The following ADAMTS17 variants were observed in gnomAD, a reference collection of about 807,000 sequenced individuals.
The protein encoded by ADAMTS17 is ADAM metallopeptidase with thrombospondin type 1 motif 17.
A neutral mutation model predicts 141.5 loss-of-function variants in ADAMTS17; 113 were observed. The observed-to-expected ratio is 0.80, with a 90% CI of 0.69 to 0.93. The LOEUF (loss-of-function observed/expected upper bound fraction) is 0.93. Among genes scored for constraint, ADAMTS17 ranks in the 40% least tolerant of loss-of-function variants. The probability of loss-of-function intolerance (pLI) is 0.00; values close to 1 mark genes in which losing one functional copy is unlikely to be tolerated. For synonymous variants in ADAMTS17, 768 were observed against 630.6 expected, an observed-to-expected ratio of 1.22 and a Z score of -3.27; for missense variants, 1,659 against 1,517.9, an observed-to-expected ratio of 1.09 and a Z score of -1.54.
intron 7 of ADAMTS17, among the ~76,000 whole-genome samples, chr15:100,219,055 C>A (rs2042054638): frequency 6.6e-6 from 1 of 152,074 alleles, no homozygotes; most frequent in African/African-American, 2.4e-5. Flanking sequence ...CGTAGATGAC[C>A]CCTGAAAACA....
At chr15:100,188,935 T>C (rs141278060) in intron 8 of ADAMTS17, among the ~76,000 whole-genome samples, 1,727 of 152,352 alleles carry the variant, frequency 0.011, 19 homozygotes, top group Middle Eastern at 0.041. Flanking sequence ...TCTTTTGCTT[T>C]AACCCACCAA....
intron 10 of ADAMTS17, among the ~76,000 whole-genome samples, chr15:100,138,467 G>A (rs1313632294): frequency 1.3e-5 from 2 of 152,118 alleles, no homozygotes; most frequent in Non-Finnish European, 2.9e-5. Flanking sequence ...ATAAGAAACT[G>A]GAAATAACAT....
At chr15:100,253,677 A>G (rs2043233522) in intron 7 of ADAMTS17, among the ~76,000 whole-genome samples, 1 of 152,104 alleles carries the variant, frequency 6.6e-6, no homozygotes, top group African/African-American at 2.4e-5. Flanking sequence ...GGCAGGTGGA[A>G]GAGATTGCAT....
At chr15:100,132,315 C>A (rs1164606552) in intron 11 of ADAMTS17, among the ~76,000 whole-genome samples, 163 bp from the exon 12 acceptor site, 1 of 152,248 alleles carries the variant, frequency 6.6e-6, no homozygotes, top group Non-Finnish European at 1.5e-5. Flanking sequence ...TAGAGACATG[C>A]CTTACTTACT....
chr15:100,239,829 T>G (rs1302210083), intron 7 of ADAMTS17, among the ~76,000 whole-genome samples: 2 of 152,144 alleles, frequency 1.3e-5, no homozygotes, highest in African/African-American at 4.8e-5. Flanking sequence ...ATCAGGGCCT[T>G]ACAACCCCTG....
chr15:100,195,935 A>G (rs1482952208), intron 8 of ADAMTS17, among the ~76,000 whole-genome samples: 1 of 152,256 alleles, frequency 6.6e-6, no homozygotes, highest in Non-Finnish European at 1.5e-5. Context: ...TTAAAAAAGC[A>G]ATACTAGTTT....
intron 10 of ADAMTS17, among the ~76,000 whole-genome samples, chr15:100,133,688 G>A (rs2038177275): frequency 6.6e-6 from 1 of 152,112 alleles, no homozygotes; most frequent in Non-Finnish European, 1.5e-5. Flanking sequence ...GCTGTCTAGG[G>A]GACACAGAAA....
At chr15:100,243,571 C>T (rs571883872) in intron 7 of ADAMTS17, among the ~76,000 whole-genome samples, 2 of 152,244 alleles carry the variant, frequency 1.3e-5, no homozygotes, top group African/African-American at 2.4e-5. Context: ...GGGTGGATCA[C>T]CTGAGGTCAG....
chr15:100,258,144 C>G (rs1352913047), intron 6 of ADAMTS17, among the ~76,000 whole-genome samples: 1 of 152,258 alleles, frequency 6.6e-6, no homozygotes, highest in Non-Finnish European at 1.5e-5. Flanking sequence ...GTCACTCCCA[C>G]CTCTTGGCTG....
rs530862861 is a variant in ADAMTS17 at position 100,052,423 on chromosome 15, A to G, written c.2296-692T>C. On this transcript the variant is annotated intron_variant, in intron 16 of 21. Transcript: ENST00000268070. ...TTTGAAAGAAAAGCCATCAATATTAAGCGAGGGCTGAAACTTCAGTTACGG... is the reference window on the plus strand; with the variant it reads ...TTTGAAAGAAAAGCCATCAATATTAGGCGAGGGCTGAAACTTCAGTTACGG... Among the ~76,000 whole-genome samples, 329 of 152,368 alleles carry G rather than the reference A, an allele frequency of 2.2e-3. 1 individual carries two copies. Among genetic ancestry groups the G allele is most frequent in the African/African-American group, 7.6e-3 (316 of 41,582 alleles).
chr15:100,138,017 A>G (rs2038426626), intron 10 of ADAMTS17, among the ~76,000 whole-genome samples: 1 of 152,184 alleles, frequency 6.6e-6, no homozygotes, highest in Non-Finnish European at 1.5e-5. Context: ...TTACCTTTGA[A>G]AGCTCTTATA....
At chr15:100,332,022 T>C (rs370346996) in intron 2 of ADAMTS17, among the ~76,000 whole-genome samples, 1 of 152,288 alleles carries the variant, frequency 6.6e-6, no homozygotes, top group East Asian at 1.9e-4. Context: ...CCAAGATTCC[T>C]GGAAAGTAAA....
intron 15 of ADAMTS17, among the ~76,000 whole-genome samples, chr15:100,077,434 C>G (rs1186283830): frequency 1.4e-5 from 2 of 146,934 alleles, no homozygotes; most frequent in Non-Finnish European, 3.0e-5. Flanking sequence ...TGCACTCCAG[C>G]CTGGGCAACA....
intron 7 of ADAMTS17, among the ~76,000 whole-genome samples, chr15:100,206,099 G>C (rs943283392): frequency 5.9e-5 from 9 of 152,372 alleles, no homozygotes; most frequent in African/African-American, 2.2e-4. Context: ...GTGGCTCCCT[G>C]TGTGGGGAGC....
At chr15:100,111,484 G>T (rs1567193282) in intron 13 of ADAMTS17, among the ~76,000 whole-genome samples, 3 of 152,234 alleles carry the variant, frequency 2.0e-5, no homozygotes, top group African/African-American at 7.2e-5. Context: ...GGTCACTGAG[G>T]TACCCTCTGG....
chr15:100,042,689 G>C (rs537668215), intron 18 of ADAMTS17, among the ~76,000 whole-genome samples: 1 of 152,176 alleles, frequency 6.6e-6, no homozygotes, highest in Non-Finnish European at 1.5e-5. Flanking sequence ...GATGGCTACT[G>C]AGTGACAACC....
Position 99,976,796 on chromosome 15 carries a change from G to A in ADAMTS17, c.2950-574C>T, listed in dbSNP as rs145958302. Reference sequence around the variant, plus strand: ...TGATCCTCCACCTCCAGAACTGTAAGGAATAAATGTTTAAGCCACCAGGCT... The same window carrying A: ...TGATCCTCCACCTCCAGAACTGTAAAGAATAAATGTTTAAGCCACCAGGCT... On this transcript the variant is annotated intron_variant, in intron 20 of 21. Coordinates refer to ENST00000268070, the MANE Select transcript of ADAMTS17 (RefSeq NM_139057.4). Among the ~76,000 whole-genome samples the A allele has an allele frequency of 2.6e-3, 393 of 152,306 alleles. 1 individual carries two copies. Among genetic ancestry groups the A allele is most frequent in the African/African-American group, 8.9e-3 (370 of 41,566 alleles).
intron 4 of ADAMTS17, among the ~76,000 whole-genome samples, chr15:100,265,112 A>C (rs1391893592): frequency 6.6e-6 from 1 of 152,200 alleles, no homozygotes; most frequent in East Asian, 1.9e-4. Context: ...GCAGGTACCA[A>C]GGCCTGAACA....
At chr15:100,029,120 C>A (rs541284819) in intron 18 of ADAMTS17, among the ~76,000 whole-genome samples, 1 of 152,108 alleles carries the variant, frequency 6.6e-6, no homozygotes, top group Non-Finnish European at 1.5e-5. Context: ...CCAGGGTGAA[C>A]CCCTAGTCCT....
Sources: allele counts gnomAD v4.1 joint callset (sites outside exome capture counted in the v4.1 genomes callset), GRCh38; gene constraint gnomAD v4.1.1; transcripts MANE v1.5; gene names NCBI Gene and HGNC (gene_info 2026-07-23, HGNC 2026-07-21).